Variants in BRD10 observed in about 807,000 individuals in gnomAD.
The protein encoded by BRD10 is bromodomain containing 10.
the BRD10 span, among the ~76,000 whole-genome samples, chr9:5,899,779 C>T: frequency 6.6e-6 from 1 of 152,204 alleles, no homozygotes; most frequent in African/African-American, 2.4e-5. Context: ...ATATTTCTAA[C>T]TCATCTTCAT....
the BRD10 span, among the ~76,000 whole-genome samples, chr9:5,887,403 G>C: frequency 1.3e-5 from 2 of 152,206 alleles, no homozygotes; most frequent in African/African-American, 2.4e-5. Context: ...CACCCTGGAA[G>C]AATGCCAGGG....
At chr9:6,008,120 T>C in the BRD10 span, 24 of 982,376 alleles carry the variant, frequency 2.4e-5, no homozygotes, top group African/African-American at 3.6e-5. Context: ...GGCCAGGCCC[T>C]GCCGGGTCGC....
the BRD10 span, among the ~76,000 whole-genome samples, chr9:5,979,589 C>T: frequency 6.6e-6 from 1 of 151,874 alleles, no homozygotes; most frequent in African/African-American, 2.4e-5. Context: ...ATGAACAGAT[C>T]TAGTATTTTT....
chr9:5,949,480 G>C, the BRD10 span, among the ~76,000 whole-genome samples: 1 of 152,194 alleles, frequency 6.6e-6, no homozygotes, highest in East Asian at 1.9e-4. Context: ...TGGTTAGATG[G>C]AGAAGTATAG....
the BRD10 span, among the ~76,000 whole-genome samples, chr9:6,001,501 C>G: frequency 6.6e-6 from 1 of 152,312 alleles, no homozygotes; most frequent in African/African-American, 2.4e-5. Flanking sequence ...TCTGTACTCT[C>G]CTGCCTCCGT....
chr9:6,003,825 G>C, the BRD10 span, among the ~76,000 whole-genome samples: 2 of 152,132 alleles, frequency 1.3e-5, no homozygotes, highest in East Asian at 3.9e-4. Flanking sequence ...GCTGCTTTAA[G>C]CATCACAAAA....
the BRD10 span, among the ~76,000 whole-genome samples, chr9:5,976,700 T>A: frequency 1.2e-4 from 17 of 144,806 alleles, no homozygotes; most frequent in East Asian, 3.2e-3. Context: ...CCAAAGGAAA[T>A]AAGATAAAGG....
the BRD10 span, among the ~76,000 whole-genome samples, chr9:5,944,532 C>A: frequency 6.6e-6 from 1 of 151,934 alleles, no homozygotes; most frequent in African/African-American, 2.4e-5. Context: ...CAATAAACTT[C>A]CATTAAAAGC....
the BRD10 span, among the ~76,000 whole-genome samples, chr9:5,990,798 G>C: frequency 1.3e-5 from 2 of 152,176 alleles, no homozygotes; most frequent in African/African-American, 4.8e-5. Context: ...AGTGTAAACT[G>C]GCAGTCTTTC....
chr9:5,913,043 A>G, the BRD10 span, among the ~76,000 whole-genome samples: 48 of 152,280 alleles, frequency 3.2e-4, no homozygotes, highest in African/African-American at 1.1e-3. Context: ...TCAAGTCTCT[A>G]TGCATTTCCC....
chr9:5,912,226 A>G, the BRD10 span, among the ~76,000 whole-genome samples: 3 of 152,178 alleles, frequency 2.0e-5, no homozygotes, highest in East Asian at 5.8e-4. Flanking sequence ...TTGATTTTGT[A>G]CCCTGCAACT....
the BRD10 span, among the ~76,000 whole-genome samples, chr9:5,945,972 T>G: frequency 2.0e-5 from 3 of 152,050 alleles, no homozygotes; most frequent in Non-Finnish European, 2.9e-5. Context: ...TTCGATACAT[T>G]CATTAATTTC....
At chr9:5,885,209 G>A in the BRD10 span, among the ~76,000 whole-genome samples, 6 of 152,116 alleles carry the variant, frequency 3.9e-5, no homozygotes, top group African/African-American at 4.8e-5. Flanking sequence ...CACAGCAAGC[G>A]CTTGTTAGCT....
the BRD10 span, among the ~76,000 whole-genome samples, chr9:5,936,300 A>T: frequency 1.3e-5 from 2 of 152,270 alleles, no homozygotes; most frequent in South Asian, 2.1e-4. Flanking sequence ...GTTTGCAGTG[A>T]GCCAAAATCA....
the BRD10 span, chr9:5,891,253 A>G: frequency 6.6e-6 from 1 of 152,246 alleles, no homozygotes; most frequent in Admixed American, 6.5e-5. Flanking sequence ...CTGAGTAGTA[A>G]GAGGCGCATT....
At chr9:5,979,434 G>T in the BRD10 span, among the ~76,000 whole-genome samples, 1 of 151,756 alleles carries the variant, frequency 6.6e-6, no homozygotes, top group African/African-American at 2.4e-5. Flanking sequence ...GATAACTTGA[G>T]CCTGGGAGGT....
the BRD10 span, among the ~76,000 whole-genome samples, chr9:5,935,053 GT>G: frequency 6.6e-6 from 1 of 152,062 alleles, no homozygotes; most frequent in South Asian, 2.1e-4. Context: ...TGTTAATCAT[GT>G]TGGTACACAG....
At chr9:5,911,125 T>C in the BRD10 span, among the ~76,000 whole-genome samples, 2 of 152,254 alleles carry the variant, frequency 1.3e-5, no homozygotes, top group Non-Finnish European at 2.9e-5. Flanking sequence ...CTCACTCCAA[T>C]GTCCTGGAGA....
the BRD10 span, among the ~76,000 whole-genome samples, chr9:5,944,200 G>C: frequency 2.0e-5 from 3 of 152,050 alleles, no homozygotes; most frequent in Admixed American, 2.0e-4. Context: ...TTTAAAATCT[G>C]TGCATAGCCC....
Sources: gnomAD v4.1 joint callset for allele counts (sites outside exome capture counted in the v4.1 genomes callset) on GRCh38, gnomAD v4.1.1 for gene constraint, MANE v1.5 for transcripts, NCBI Gene and HGNC (gene_info 2026-07-23, HGNC 2026-07-21) for gene names.